The following PLEKHG6 variants were observed in gnomAD, a reference collection of about 807,000 sequenced individuals.
PLEKHG6 encodes pleckstrin homology domain-containing family G member 6.
Under a neutral mutation model 97.5 loss-of-function variants are expected in PLEKHG6, and 91 were observed. The ratio of observed to expected loss-of-function variants is 0.93; its 90% CI spans 0.79 to 1.11. PLEKHG6 has a LOEUF of 1.11. Ranked by LOEUF, PLEKHG6 falls within the 50% of genes most tolerant of loss-of-function variation. The probability of loss-of-function intolerance (pLI) is 0.00; values close to 1 mark genes in which losing one functional copy is unlikely to be tolerated. For synonymous variants in PLEKHG6, 466 were observed against 425.5 expected (o/e 1.10, Z -1.17); for missense variants, 1,044 against 1,031.0 (o/e 1.01, Z -0.17).
Position 6,315,821 on chromosome 12 carries a change from A to G in PLEKHG6, c.556-48A>G. 1 of 1,511,058 alleles carries G rather than the reference A, an allele frequency of 6.6e-7. No homozygotes were observed. The highest frequency in any genetic ancestry group is 9.0e-7 in the Non-Finnish European group (1 of 1,115,162). The allele number at this position is 1,511,058 out of a possible 1,614,324, so 93.6% of individuals were successfully genotyped here. A position where few individuals can be genotyped will look rare whatever the true frequency, so the allele number is the denominator to read the frequency against. On this transcript the variant is annotated intron_variant, in intron 5 of 15. Coordinates refer to ENST00000684764, the MANE Select transcript of PLEKHG6 (RefSeq NM_001384598.1). This position sits in a 1 kb window ranked among gnomAD's most constrained non-coding sequence, Gnocchi z 4.5. The stretch of plus-strand genomic sequence containing the variant: ...TTGGTGGGGGGTGGGAGGTGACGAC[A>G]CTGAAGGGCTGCGCTGGGTCCTGAG...
chr12:6,320,969 C>T (rs1405142000), intron 13 of PLEKHG6, among the ~76,000 whole-genome samples: 1 of 152,058 alleles, frequency 6.6e-6, no homozygotes, highest in Non-Finnish European at 1.5e-5. Context: ...AACCCTGTGG[C>T]CTGGATGCGC....
rs776104278 is a variant in PLEKHG6, at chr12:6,326,466, A to G, written c.1563A>G (p.Gln521=). The change falls in exon 14 of 16, where the codon CAA becomes CAG. Residue 521 remains glutamine, a synonymous_variant. Transcript: ENST00000684764. ...LQKLKAEEYV[Q]QKRELLTLYR... Reference sequence around the variant, plus strand: ...AGCTGAAGGCAGAGGAGTATGTTCAACAGAAGAGGGAGCTCCTGACCCTCT... The same window carrying G: ...AGCTGAAGGCAGAGGAGTATGTTCAGCAGAAGAGGGAGCTCCTGACCCTCT... The G allele has an allele frequency of 9.9e-6, 16 of 1,613,508 alleles. No homozygotes were observed. Among genetic ancestry groups the G allele is most frequent in the Non-Finnish European group, 1.4e-5 (16 of 1,179,764 alleles).
chr12:6,314,795 C>T (rs1160247589), intron 3 of PLEKHG6, among the ~76,000 whole-genome samples: 1 of 152,176 alleles, frequency 6.6e-6, no homozygotes, highest in Non-Finnish European at 1.5e-5. Context: ...CCAGCAATGC[C>T]TTTTTCCCTG....
chr12:6,312,005 G>C (rs993122545), intron 1 of PLEKHG6, among the ~76,000 whole-genome samples, 154 bp from the exon 2 acceptor site: 7 of 152,078 alleles, frequency 4.6e-5, no homozygotes, highest in African/African-American at 1.7e-4. Flanking sequence ...TCATAGATGA[G>C]GCAGCCATGT....
In PLEKHG6 at chr12:6,315,259, T is replaced by C. The variant is rs71584807; in HGVS notation, c.459+90T>C. 1,321 of 1,274,162 alleles carry C rather than the reference T, an allele frequency of 1.0e-3. 1 individual carries two copies. The highest frequency in any genetic ancestry group is 1.3e-3 in the Non-Finnish European group (1,208 of 934,990). 78.9% of individuals were successfully genotyped at this position (1,274,162 alleles called of 1,614,324 possible). On this transcript the variant is annotated intron_variant, in intron 4 of 15. Transcript: ENST00000684764. This position sits in a 1 kb window ranked among gnomAD's most constrained non-coding sequence, Gnocchi z 4.5. ...TAGAGGAGGGAAAGGCCTTGGGAAG[T>C]GGGGTCATGTGGAAAAAACATCTGG...
chr12:6,312,964 A>C (rs1449207131), intron 2 of PLEKHG6: 1 of 1,427,706 alleles, frequency 7.0e-7, no homozygotes, highest in African/African-American at 1.4e-5. Flanking sequence ...GCCTCAATGC[A>C]CGATAATTTT....
In PLEKHG6 at chr12:6,317,993, A is replaced by C; in HGVS notation, c.1154A>C (p.Lys385Thr). 1 of 1,588,388 alleles carries C rather than the reference A, an allele frequency of 6.3e-7. No homozygotes were observed. The highest frequency in any genetic ancestry group is 1.1e-5 in the South Asian group (1 of 87,054). Residue 385 changes from lysine (K) to threonine (T), a missense_variant and splice_region_variant, in exon 10 of 16, where the codon AAG (lysine) becomes ACG (threonine). Transcript: ENST00000684764. ...VLEPPSDEVE[K>T]NLRPFSTLDL... is the part of the protein sequence containing the mutation. The stretch of plus-strand genomic sequence containing the variant: ...GAGCCACCCAGTGATGAGGTGGAGA[A>C]GGTGAGAGGGCAAAGGGAAGGGACC...
At position 6,312,894 on chromosome 12, in the gene PLEKHG6, C is replaced by G; in HGVS notation, c.138+530C>G. 2.9e-6 allele frequency: 4 copies of G among 1,367,542 alleles called. No individual in the cohort carries two copies. The South Asian group carries it at 6.5e-5, about 22-fold the overall frequency. 84.7% of individuals were successfully genotyped at this position (1,367,542 alleles called of 1,614,324 possible). A position where few individuals can be genotyped will look rare whatever the true frequency, so the allele number is the denominator to read the frequency against. ...GGGTGTGGAAGCCAGGTCTGTCCCT[C>G]AGCCTGCAGGTTTCCCCTCCACCTT... On this transcript the variant is annotated intron_variant, in intron 2 of 15. Coordinates refer to ENST00000684764, the MANE Select transcript of PLEKHG6 (RefSeq NM_001384598.1).
intron 13 of PLEKHG6, among the ~76,000 whole-genome samples, chr12:6,321,970 C>A (rs1947719496): frequency 1.3e-5 from 2 of 152,110 alleles, no homozygotes; most frequent in Admixed American, 1.3e-4. Context: ...AGTTATATGA[C>A]CTCCCTCAAC....
rs747274971 is a variant in PLEKHG6 at position 6,317,408 on chromosome 12, G to A, written c.862G>A (p.Val288Met). The change falls in exon 8 of 16, where the codon GTG becomes ATG. Residue 288 changes from valine (V) to methionine (M), a missense_variant. Transcript: ENST00000684764. The stretch of plus-strand genomic sequence containing the variant: ...AACTAACCCTCTCTTCCATGCCTTC[G>A]TGCAGGTGGGAGAAGGGGTGCTGGG... ...QETNPLFHAF[V>M]QWCEKHKRSG... 1.1e-5 allele frequency: 18 copies of A among 1,612,970 alleles called. No individual in the cohort carries two copies. The highest frequency in any genetic ancestry group is 1.0e-4 in the Admixed American group (6 of 60,000).
chr12:6,315,759 G>C lies in PLEKHG6; in HGVS notation c.555+110G>C. 1 of 1,234,566 alleles carries C rather than the reference G, an allele frequency of 8.1e-7. No homozygotes were observed. The highest frequency in any genetic ancestry group is 1.1e-6 in the Non-Finnish European group (1 of 874,932). The allele number at this position is 1,234,566 out of a possible 1,614,324, so 76.5% of individuals were successfully genotyped here. ...GAGGGAGGGGCAGGATTTCAGGCCA[G>C]TCTGGGATGCAGGGAGATAGGTCAG... On this transcript the variant is annotated intron_variant, in intron 5 of 15. Coordinates refer to ENST00000684764, the MANE Select transcript of PLEKHG6 (RefSeq NM_001384598.1). The surrounding 1 kb of genome is among the most constrained non-coding windows in gnomAD (Gnocchi z 4.5).
In PLEKHG6 at chr12:6,327,694, C is replaced by T; in HGVS notation, c.2111C>T (p.Ala704Val). The change falls in exon 15 of 16, where the codon GCC becomes GTC. Residue 704 changes from alanine to valine, a missense_variant. Transcript: ENST00000684764. ...TCCTCCCCAACCCATGCTGACTCTG[C>T]CGGGGAAAGCCCCTGGGAGTCCTCA... is the stretch of plus-strand genomic sequence containing the variant. ...LPSSPTHADS[A>V]GESPWESSGE... 6.4e-7 allele frequency: 1 copy of T among 1,559,990 alleles called. No homozygotes were observed. Among genetic ancestry groups the T allele is most frequent in the Non-Finnish European group, 8.7e-7 (1 of 1,151,564 alleles).
chr12:6,318,721 T>C (rs201967792), intron 11 of PLEKHG6, 24 bp from the exon 12 acceptor site: 17 of 1,611,370 alleles, frequency 1.1e-5, no homozygotes, highest in Admixed American at 1.7e-5. Flanking sequence ...ACCCTGTCTC[T>C]TTCCCCTACG....
intron 13 of PLEKHG6, among the ~76,000 whole-genome samples, chr12:6,320,626 A>T (rs1947672497): frequency 6.6e-6 from 1 of 152,188 alleles, no homozygotes; most frequent in Admixed American, 6.5e-5. Flanking sequence ...AAATCCAGGG[A>T]GAACTCATCT....
Position 6,326,431 on chromosome 12 carries a change from G to A in PLEKHG6, c.1528G>A (p.Ala510Thr), listed in dbSNP as rs375928822. 1.1e-4 allele frequency: 174 copies of A among 1,613,334 alleles called. No homozygotes were observed. The highest frequency in any genetic ancestry group is 1.3e-4 in the Non-Finnish European group (152 of 1,179,536). The change falls in exon 14 of 16, where the codon GCC becomes ACC. Residue 510 changes from alanine (A) to threonine (T), a missense_variant. Coordinates refer to ENST00000684764, the MANE Select transcript of PLEKHG6 (RefSeq NM_001384598.1). ...TAACGAAAGTGTCCTGTCCCAGGCC[G>A]CCCTACAGAAGCTGAAGGCAGAGGA... ...WLEKTQQAQA[A>T]LQKLKAEEYV... is the part of the protein sequence containing the mutation.
rs146647148 is a variant in PLEKHG6 at position 6,310,714 on chromosome 12, G to C, written c.-203G>C. 3,518 of 152,148 alleles carry C rather than the reference G, an allele frequency of 0.023. 38 individuals carry two copies. The highest frequency in any genetic ancestry group is 0.029 in the South Asian group (141 of 4,826). 9.4% of individuals were successfully genotyped at this position (152,148 alleles called of 1,614,324 possible). ...CCCGGACCCGCGCTGCCCGGCTCCC[G>C]CGGGCCGCTCGATCCCAGTCCCAGG... On this transcript the variant is annotated 5_prime_UTR_variant, in exon 1 of 16. Transcript: ENST00000684764.
rs1251925149 is a variant in PLEKHG6 at position 6,328,120 on chromosome 12, C to G, written c.2364-16C>G. 1.2e-6 allele frequency: 2 copies of G among 1,613,930 alleles called. No homozygotes were observed. Among genetic ancestry groups the G allele is most frequent in the Admixed American group, 1.7e-5 (1 of 59,992 alleles). On this transcript the variant is annotated splice_polypyrimidine_tract_variant and intron_variant, in intron 15 of 15. Transcript: ENST00000684764. ...TGCCACTGAATGTCGCCTAACACCC[C>G]CTCCTGTCTTTTCAGAGAGGTATGA...
At chr12:6,322,989 C>A (rs1291478407) in intron 13 of PLEKHG6, among the ~76,000 whole-genome samples, 1 of 152,236 alleles carries the variant, frequency 6.6e-6, no homozygotes, top group East Asian at 1.9e-4. Context: ...AGCCCCAACT[C>A]CCCAGGATAG....
rs545714884 is a variant in PLEKHG6, at chr12:6,312,415, C to T, written c.138+51C>T. On this transcript the variant is annotated intron_variant, in intron 2 of 15. Transcript: ENST00000684764. Reference sequence around the variant, plus strand: ...TGACCTGGTGGGGCAGGAGGGAAGACACCTAGGCTGTGGAGTCTCTGTCCC... The same window carrying T: ...TGACCTGGTGGGGCAGGAGGGAAGATACCTAGGCTGTGGAGTCTCTGTCCC... 2.6e-6 allele frequency: 4 copies of T among 1,529,882 alleles called. No homozygotes were observed. In the African/African-American group the frequency reaches 5.7e-5, roughly 22 times the overall value. 94.8% of individuals were successfully genotyped at this position (1,529,882 alleles called of 1,614,324 possible). A position where few individuals can be genotyped will look rare whatever the true frequency, so the allele number is the denominator to read the frequency against.
Sources: allele counts gnomAD v4.1 joint callset (sites outside exome capture counted in the v4.1 genomes callset), GRCh38; gene constraint gnomAD v4.1.1; non-coding constraint Gnocchi (gnomAD v3.1); transcripts MANE v1.5; gene names NCBI Gene and HGNC (gene_info 2026-07-23, HGNC 2026-07-21).